Variants in CSMD2 observed in about 807,000 individuals in gnomAD.
CSMD2 encodes CUB and Sushi multiple domains 2.
A neutral mutation model predicts 398.5 loss-of-function variants in CSMD2; 130 were observed. The observed-to-expected ratio is 0.33, with a 90% CI of 0.28 to 0.38. The LOEUF is 0.38. Among genes scored for constraint, CSMD2 ranks in the 10% least tolerant of loss-of-function variants. The pLI is 1.00. For synonymous variants in CSMD2, 1,828 were observed against 1,908.5 expected (o/e 0.96, Z 1.10); for missense variants, 3,829 against 4,764.9 (o/e 0.80, Z 5.78).
chr1:33,672,376 G>A (rs1226167782), intron 25 of CSMD2, among the ~76,000 whole-genome samples: 1 of 152,258 alleles, frequency 6.6e-6, no homozygotes, highest in Non-Finnish European at 1.5e-5. Context: ...TAGCACAGCA[G>A]TCTGAGATCA....
intron 28 of CSMD2, among the ~76,000 whole-genome samples, chr1:33,649,306 A>T (rs985739958): frequency 6.6e-6 from 1 of 152,230 alleles, no homozygotes; most frequent in African/African-American, 2.4e-5. Flanking sequence ...AGAAACCATG[A>T]CTTTAAGTGA....
In CSMD2 at chr1:33,605,300, G is replaced by A. The variant is rs923798661; in HGVS notation, c.6514C>T (p.Pro2172Ser). 1.2e-6 allele frequency: 2 copies of A among 1,614,140 alleles called. No homozygotes were observed. The highest frequency in any genetic ancestry group is 1.7e-5 in the Admixed American group (1 of 60,016). Residue 2172 changes from proline to serine, a missense_variant, in exon 42 of 71, where the codon CCC becomes TCC. Pro to Ser is a moderately conservative substitution (Grantham distance 74, BLOSUM62 -1). This residue lies in a region of CSMD2 where 723 missense variants were observed against 758.6 expected (regional missense o/e 0.95). Transcript: ENST00000373381. ...GACATACCTTCACACTTGGGCAGGG[G>A]GTGGTCCCAGTTCCGGTTGGTGCCA... ...QHGTNRNWDHPLPKCEVPCGG... is the reference protein window; with the variant it reads ...QHGTNRNWDHSLPKCEVPCGG...
chr1:34,005,260 C>G (rs779538772), intron 3 of CSMD2, among the ~76,000 whole-genome samples: 1 of 152,148 alleles, frequency 6.6e-6, no homozygotes, highest in Non-Finnish European at 1.5e-5. Flanking sequence ...TGGGCAATGA[C>G]GGGTCATGTG....
chr1:33,696,189 G>A (rs17537035), intron 24 of CSMD2, among the ~76,000 whole-genome samples: 47,299 of 152,078 alleles, frequency 0.31, 8,399 homozygotes, highest in Middle Eastern at 0.47. Flanking sequence ...GGGAGAATGA[G>A]TACAAATGAA....
At chr1:33,974,206 T>C (rs1369389860) in intron 3 of CSMD2, among the ~76,000 whole-genome samples, 2 of 152,212 alleles carry the variant, frequency 1.3e-5, no homozygotes, top group African/African-American at 2.4e-5. Context: ...AAGGCTCAAA[T>C]ACACAATGCA....
chr1:34,154,039 G>A (rs536404375), intron 1 of CSMD2, among the ~76,000 whole-genome samples: 6 of 152,188 alleles, frequency 3.9e-5, no homozygotes, highest in Admixed American at 6.5e-5. Context: ...CAAATCAACC[G>A]GAAGATTTCT....
chr1:33,679,919 CTTTT>C (rs11415719), intron 25 of CSMD2, among the ~76,000 whole-genome samples: 1 of 144,130 alleles, frequency 6.9e-6, no homozygotes, highest in East Asian at 2.0e-4. Flanking sequence ...TTGAATTTTA[CTTTT>C]TTTTTTTTTC....
intron 13 of CSMD2, among the ~76,000 whole-genome samples, chr1:33,769,842 G>A (rs1271810328): frequency 1.3e-5 from 2 of 152,096 alleles, no homozygotes; most frequent in Non-Finnish European, 2.9e-5. Flanking sequence ...GCCAAGTATT[G>A]TATTAATATT....
At chr1:34,051,756 T>C (rs1306769073) in intron 2 of CSMD2, among the ~76,000 whole-genome samples, 1 of 152,178 alleles carries the variant, frequency 6.6e-6, no homozygotes, top group African/African-American at 2.4e-5. Context: ...CAGTTAAGTG[T>C]GTTTTAAGAT....
rs1355609119 is a variant in CSMD2, at chr1:33,810,816, G to A, written c.1373C>T (p.Ser458Phe). The change falls in exon 10 of 71, where the codon TCC becomes TTC. Residue 458 changes from serine to phenylalanine, a missense_variant. Transcript: ENST00000373381. The stretch of plus-strand genomic sequence containing the variant: ...GTCATACTGAATGGGGAAATTGGGG[G>A]AGGTGATGATGCCCGAGGGGCCTCG... Reference protein sequence around the residue: ...HLRGPSGIITSPNFPIQYDNN... With the variant: ...HLRGPSGIITFPNFPIQYDNN... The A allele has an allele frequency of 6.2e-7, 1 of 1,613,020 alleles. No homozygotes were observed. Among genetic ancestry groups the A allele is most frequent in the Non-Finnish European group, 8.5e-7 (1 of 1,179,528 alleles).
intron 12 of CSMD2, among the ~76,000 whole-genome samples, chr1:33,784,075 T>A (rs1653194781): frequency 6.6e-6 from 1 of 151,856 alleles, no homozygotes; most frequent in Non-Finnish European, 1.5e-5. Context: ...TATCAAAATG[T>A]GTAACAGGAA....
Position 33,581,412 on chromosome 1 carries a change from GCCTGTAGTC to G in CSMD2, c.7241-522_7241-514del, listed in dbSNP as rs548671857. 1.9e-3 allele frequency among the ~76,000 whole-genome samples: 281 copies of G among 145,754 alleles called. 2 individuals carry two copies. The highest frequency in any genetic ancestry group is 5.9e-3 in the African/African-American group (234 of 39,600). On this transcript the variant is annotated intron_variant, in intron 47 of 70. Transcript: ENST00000373381. The stretch of plus-strand genomic sequence containing the variant: ...AAATTATCTGGTCATGGTGGTGCAT[GCCTGTAGTC>G]CCAGCTACTGGGGAGGCTAAGGCAC...
chr1:33,572,407 C>CG, intron 50 of CSMD2, 99 bp downstream of exon 50: 1 of 948,694 alleles, frequency 1.1e-6, no homozygotes, highest in Non-Finnish European at 1.5e-6. Flanking sequence ...TTTTTTTTTT[C>CG]CCCCTCATTA....
intron 16 of CSMD2, among the ~76,000 whole-genome samples, chr1:33,726,114 G>T (rs1036498092): frequency 7.2e-5 from 11 of 152,298 alleles, no homozygotes; most frequent in African/African-American, 2.6e-4. Context: ...CCACCCAAGG[G>T]GCATAGCCAG....
chr1:33,727,443 C>T (rs909885060), intron 15 of CSMD2, among the ~76,000 whole-genome samples: 2 of 152,186 alleles, frequency 1.3e-5, no homozygotes, highest in African/African-American at 4.8e-5. Flanking sequence ...GCAACCAGAC[C>T]CTCAGCCCCT....
rs549354542 is a variant in CSMD2 at position 33,790,727 on chromosome 1, A to G, written c.1550+1696T>C. 2.0e-5 allele frequency among the ~76,000 whole-genome samples: 3 copies of G among 151,222 alleles called. No individual in the cohort carries two copies. The South Asian group carries it at 6.3e-4, about 32-fold the overall frequency. ...TCATCTATCTGTCTATCATCTATCA[A>G]TCATCTATCATCTATTTATCATCTA... On this transcript the variant is annotated intron_variant, in intron 11 of 70. Transcript: ENST00000373381.
At chr1:33,721,354 T>C (rs1571340011) in intron 19 of CSMD2, among the ~76,000 whole-genome samples, 1 of 152,178 alleles carries the variant, frequency 6.6e-6, no homozygotes, top group East Asian at 1.9e-4. Context: ...TCCTAGCAAT[T>C]TGGGTAGTGC....
intron 5 of CSMD2, chr1:33,870,760 C>T (rs957836592): frequency 6.6e-5 from 10 of 152,142 alleles, no homozygotes; most frequent in African/African-American, 1.9e-4. Flanking sequence ...GTGTAATCCC[C>T]TCCCTTTGAG....
intron 5 of CSMD2, among the ~76,000 whole-genome samples, chr1:33,852,968 G>GA (rs1638823555): frequency 2.0e-5 from 3 of 151,942 alleles, no homozygotes; most frequent in African/African-American, 7.2e-5. Flanking sequence ...GCTTCTTACA[G>GA]AAAAAAAAGT....
Sources: gnomAD v4.1 joint callset for allele counts (sites outside exome capture counted in the v4.1 genomes callset) on GRCh38, gnomAD v4.1.1 for gene constraint, gnomAD v4.1.1 regional missense constraint, MANE v1.5 for transcripts, NCBI Gene and HGNC (gene_info 2026-07-23, HGNC 2026-07-21) for gene names.